Variants in EGLN1 observed in about 807,000 individuals in gnomAD.
The protein encoded by EGLN1 is egl-9 family hypoxia inducible factor 1, also known as egl nine homolog 1.
A neutral mutation model predicts 38.3 loss-of-function variants in EGLN1; 17 were observed. The ratio of observed to expected loss-of-function variants is 0.44; its 90% CI spans 0.30 to 0.67. The LOEUF (loss-of-function observed/expected upper bound fraction) is 0.67, where lower values mean the gene tolerates loss of function less well. Ranked by LOEUF, EGLN1 falls within the 30% of genes least tolerant of loss-of-function variation. The probability of loss-of-function intolerance (pLI) is 0.08; values close to 1 mark genes in which losing one functional copy is unlikely to be tolerated. For synonymous variants in EGLN1, 283 were observed against 257.5 expected, an observed-to-expected ratio of 1.10 and a Z score of -0.95; for missense variants, 477 against 603.3, an observed-to-expected ratio of 0.79 and a Z score of 2.19.
intron 1 of EGLN1, among the ~76,000 whole-genome samples, chr1:231,374,367 A>G (rs1338409900): frequency 6.6e-6 from 1 of 152,222 alleles, no homozygotes; most frequent in Non-Finnish European, 1.5e-5. Flanking sequence ...GACAATCTTT[A>G]TAAATACAGA....
chr1:231,373,689 TG>T (rs1687886235), intron 2 of EGLN1, among the ~76,000 whole-genome samples: 1 of 149,310 alleles, frequency 6.7e-6, no homozygotes, highest in African/African-American at 2.6e-5. Context: ...TGTGTGTGTG[TG>T]TGTGTGTGTG....
intron 1 of EGLN1, among the ~76,000 whole-genome samples, chr1:231,398,580 G>A (rs1370745419): frequency 1.3e-5 from 2 of 152,164 alleles, no homozygotes; most frequent in African/African-American, 2.4e-5. Context: ...CAACAAGGAC[G>A]GCAAGGCTCA....
Position 231,421,481 on chromosome 1 carries a change from C to G in EGLN1, c.408G>C (p.Ser136=). The G allele has an allele frequency of 2.9e-6, 4 of 1,393,030 alleles. No homozygotes were observed. The highest frequency in any genetic ancestry group is 3.7e-6 in the Non-Finnish European group (4 of 1,075,458). The allele number at this position is 1,393,030 out of a possible 1,614,324, so 86.3% of individuals were successfully genotyped here. A position where few individuals can be genotyped will look rare whatever the true frequency, so the allele number is the denominator to read the frequency against. ...CGGGCTCGGCTTCGGCAGCCACCGC[C>G]GAGCCCTGGCCGCCGGCGGCCGCAC... The part of the protein sequence containing the change: ...PCRAAAGGQG[S]AVAAEAEPGK... Residue 136 remains serine, a synonymous_variant, in exon 1 of 5, where the codon TCG becomes TCC. Coordinates refer to ENST00000366641, the MANE Select transcript of EGLN1 (RefSeq NM_022051.3). This position sits in a 1 kb window ranked among gnomAD's most constrained non-coding sequence, Gnocchi z 5.5.
chr1:231,409,257 C>CA (rs1231776571), intron 1 of EGLN1, among the ~76,000 whole-genome samples: 101 of 80,348 alleles, frequency 1.3e-3, no homozygotes, highest in African/African-American at 4.5e-3. Flanking sequence ...AAAAAAAAAA[C>CA]AAAAAAAAAC....
At chr1:231,375,818 T>C (rs1348871222) in intron 1 of EGLN1, among the ~76,000 whole-genome samples, 1 of 152,182 alleles carries the variant, frequency 6.6e-6, no homozygotes, top group Non-Finnish European at 1.5e-5. Flanking sequence ...AATTTAACAA[T>C]GCAATTACTC....
chr1:231,372,438 T>C (rs1445246053), intron 2 of EGLN1, among the ~76,000 whole-genome samples: 1 of 152,190 alleles, frequency 6.6e-6, no homozygotes, highest in African/African-American at 2.4e-5. Context: ...GACTAAGTAT[T>C]ATAGAAATTA....
intron 2 of EGLN1, 106 bp downstream of exon 2, chr1:231,373,874 A>G: frequency 7.2e-7 from 1 of 1,389,742 alleles, no homozygotes; most frequent in East Asian, 2.3e-5. Flanking sequence ...TTAAGAGGAA[A>G]ATTTTTAACT....
intron 1 of EGLN1, among the ~76,000 whole-genome samples, chr1:231,386,954 G>A (rs1455481041): frequency 1.3e-5 from 2 of 152,066 alleles, no homozygotes; most frequent in African/African-American, 4.8e-5. Flanking sequence ...TCAAACTCCT[G>A]AGTGGGAGTA....
chr1:231,401,034 G>C (rs769955050), intron 1 of EGLN1, among the ~76,000 whole-genome samples: 4 of 152,094 alleles, frequency 2.6e-5, no homozygotes, highest in Non-Finnish European at 5.9e-5. Flanking sequence ...CTGGGCAACA[G>C]AGTGAGACCC....
chr1:231,389,663 C>T (rs1476317558), intron 1 of EGLN1, among the ~76,000 whole-genome samples: 1 of 151,934 alleles, frequency 6.6e-6, no homozygotes, highest in East Asian at 1.9e-4. Context: ...AACAGTGGGG[C>T]TCTGACCGGG....
At chr1:231,373,844 T>C in intron 2 of EGLN1, 136 bp downstream of exon 2, 1 of 939,240 alleles carries the variant, frequency 1.1e-6, no homozygotes, top group South Asian at 1.5e-5. Context: ...CCACTCCTAA[T>C]ACCTGAGACT....
At chr1:231,378,139 T>C (rs1288510017) in intron 1 of EGLN1, among the ~76,000 whole-genome samples, 1 of 152,088 alleles carries the variant, frequency 6.6e-6, no homozygotes, top group Non-Finnish European at 1.5e-5. Context: ...AGGGGATGAG[T>C]GCTCCACAGG....
intron 3 of EGLN1, among the ~76,000 whole-genome samples, chr1:231,368,702 C>G (rs1284750992): frequency 6.6e-6 from 1 of 152,164 alleles, no homozygotes; most frequent in Non-Finnish European, 1.5e-5. Context: ...GAAAAGGCAA[C>G]ATTTATCAGA....
At chr1:231,394,817 C>G (rs1196208285) in intron 1 of EGLN1, among the ~76,000 whole-genome samples, 1 of 152,036 alleles carries the variant, frequency 6.6e-6, no homozygotes, top group Non-Finnish European at 1.5e-5. Flanking sequence ...AATAAATAAC[C>G]CTTGTCATCT....
chr1:231,414,627 A>G (rs1689029626), intron 1 of EGLN1, among the ~76,000 whole-genome samples: 1 of 152,192 alleles, frequency 6.6e-6, no homozygotes, highest in Non-Finnish European at 1.5e-5. Context: ...ATAAGCCAAC[A>G]TGTAGAATGA....
At chr1:231,413,500 C>A (rs2790865) in intron 1 of EGLN1, among the ~76,000 whole-genome samples, 23,005 of 152,032 alleles carry the variant, frequency 0.15, 2,140 homozygotes, top group African/African-American at 0.25. Flanking sequence ...CTTATTTTAC[C>A]AATCTTATCT....
At chr1:231,382,614 G>C (rs1688101988) in intron 1 of EGLN1, among the ~76,000 whole-genome samples, 1 of 152,140 alleles carries the variant, frequency 6.6e-6, no homozygotes, top group Non-Finnish European at 1.5e-5. Flanking sequence ...TAATCTAATG[G>C]CCTACTATTA....
intron 1 of EGLN1, among the ~76,000 whole-genome samples, chr1:231,387,460 T>C (rs2739512): frequency 0.54 from 81,664 of 149,906 alleles, 23,770 homozygotes; most frequent in Middle Eastern, 0.65. Context: ...CCCGGGTTCA[T>C]GCCATTCTCC....
At chr1:231,399,894 G>T (rs1558390909) in intron 1 of EGLN1, among the ~76,000 whole-genome samples, 1 of 152,026 alleles carries the variant, frequency 6.6e-6, no homozygotes, top group Admixed American at 6.5e-5. Flanking sequence ...CTTTTACAAG[G>T]GGAATAACAA....
Sources: gnomAD v4.1 joint callset for allele counts (sites outside exome capture counted in the v4.1 genomes callset) on GRCh38, gnomAD v4.1.1 for gene constraint, Gnocchi (gnomAD v3.1) non-coding constraint, MANE v1.5 for transcripts, NCBI Gene and HGNC (gene_info 2026-07-23, HGNC 2026-07-21) for gene names.